Variants in VAV3 observed in about 807,000 individuals in gnomAD.
VAV3 encodes vav guanine nucleotide exchange factor 3.
Under a neutral mutation model 131.2 loss-of-function variants are expected in VAV3, and 94 were observed. The observed-to-expected ratio is 0.72, with a 90% confidence interval of 0.61 to 0.85. The LOEUF is 0.85. Ranked by LOEUF, VAV3 falls within the 40% of genes least tolerant of loss-of-function variation. VAV3 has a pLI of 0.00. For synonymous variants in VAV3, 349 were observed against 342.0 expected, an observed-to-expected ratio of 1.02 and a Z score of -0.22; for missense variants, 939 against 1,002.7, an observed-to-expected ratio of 0.94 and a Z score of 0.86.
chr1:107,739,749 A>G (rs1387017387), intron 15 of VAV3, among the ~76,000 whole-genome samples: 2 of 152,194 alleles, frequency 1.3e-5, no homozygotes, highest in African/African-American at 4.8e-5. Context: ...CCAAACAGAC[A>G]CTGACGGGCT....
chr1:107,589,907 A>T (rs955098519), intron 25 of VAV3, among the ~76,000 whole-genome samples: 3 of 152,206 alleles, frequency 2.0e-5, no homozygotes, highest in Non-Finnish European at 4.4e-5. Context: ...TGTTTAAGGA[A>T]TTATCAGGAA....
intron 2 of VAV3, among the ~76,000 whole-genome samples, chr1:107,817,749 G>T (rs1432254969): frequency 6.6e-6 from 1 of 152,044 alleles, no homozygotes; most frequent in East Asian, 1.9e-4. Flanking sequence ...CAACCAGACA[G>T]GACCACATCA....
intron 2 of VAV3, among the ~76,000 whole-genome samples, chr1:107,833,473 TA>T (rs1668343912): frequency 6.6e-6 from 1 of 152,240 alleles, no homozygotes; most frequent in South Asian, 2.1e-4. Flanking sequence ...CAATCCTTTT[TA>T]AAGAAAATAT....
intron 25 of VAV3, among the ~76,000 whole-genome samples, chr1:107,592,056 CGTGTGTGT>C (rs35290300): frequency 5.4e-5 from 8 of 148,798 alleles, no homozygotes; most frequent in East Asian, 2.0e-4. Context: ...TATATACATA[CGTGTGTGT>C]GTGTGTGTGT....
chr1:107,734,030 G>C (rs1051683722), intron 15 of VAV3, among the ~76,000 whole-genome samples: 1 of 152,226 alleles, frequency 6.6e-6, no homozygotes, highest in Non-Finnish European at 1.5e-5. Context: ...AACTCTGCAA[G>C]CCAGAAGAGA....
At chr1:107,884,319 A>G in intron 1 of VAV3, among the ~76,000 whole-genome samples, 1 of 151,500 alleles carries the variant, frequency 6.6e-6, no homozygotes, top group Non-Finnish European at 1.5e-5. Context: ...TGTGATTATT[A>G]CACACTACAT....
chr1:107,654,734 T>G (rs1656417999), intron 19 of VAV3, among the ~76,000 whole-genome samples: 1 of 152,100 alleles, frequency 6.6e-6, no homozygotes, highest in African/African-American at 2.4e-5. Context: ...GGTTTTCACT[T>G]ATTCAAATGT....
intron 2 of VAV3, among the ~76,000 whole-genome samples, chr1:107,831,254 T>C (rs1324858443): frequency 6.6e-6 from 1 of 152,220 alleles, no homozygotes; most frequent in Non-Finnish European, 1.5e-5. Flanking sequence ...TGGAAAATAC[T>C]TTAAAATAAT....
intron 2 of VAV3, among the ~76,000 whole-genome samples, chr1:107,813,944 T>C (rs1299411452): frequency 6.6e-6 from 1 of 151,454 alleles, no homozygotes; most frequent in Non-Finnish European, 1.5e-5. Flanking sequence ...ATTTTATTCT[T>C]TTGTATGGCT....
At chr1:107,575,283 G>A (rs909908909) in intron 25 of VAV3, among the ~76,000 whole-genome samples, 1 of 152,134 alleles carries the variant, frequency 6.6e-6, no homozygotes, top group Admixed American at 6.5e-5. Flanking sequence ...GAACTTAAGT[G>A]TAAGAAAAAG....
intron 1 of VAV3, among the ~76,000 whole-genome samples, chr1:107,906,895 G>A (rs1400296478): frequency 6.6e-6 from 1 of 152,082 alleles, no homozygotes; most frequent in Admixed American, 6.6e-5. Flanking sequence ...GGCTTGGAAA[G>A]TTAGAATTAA....
chr1:107,597,306 G>C (rs954877519), intron 24 of VAV3, among the ~76,000 whole-genome samples: 1 of 151,394 alleles, frequency 6.6e-6, no homozygotes, highest in Non-Finnish European at 1.5e-5. Context: ...TCTGTTCAGT[G>C]GTTATGTTCA....
intron 19 of VAV3, among the ~76,000 whole-genome samples, chr1:107,649,950 T>G (rs1212481093): frequency 1.2e-4 from 18 of 152,032 alleles, no homozygotes; most frequent in Non-Finnish European, 2.6e-4. Context: ...AAAGAACCAC[T>G]TAGAAAGAGA....
intron 4 of VAV3, among the ~76,000 whole-genome samples, chr1:107,773,197 T>C (rs1456222117): frequency 2.6e-5 from 4 of 152,208 alleles, no homozygotes; most frequent in Non-Finnish European, 5.9e-5. Context: ...ACCAAAAGGC[T>C]ATTTGACTTT....
At chr1:107,893,598 C>T (rs1671419777) in intron 1 of VAV3, among the ~76,000 whole-genome samples, 1 of 152,100 alleles carries the variant, frequency 6.6e-6, no homozygotes, top group African/African-American at 2.4e-5. Flanking sequence ...CGGAGGGAAA[C>T]TCTCCTTTAT....
intron 19 of VAV3, among the ~76,000 whole-genome samples, chr1:107,680,958 T>C (rs534464798): frequency 1.3e-5 from 2 of 152,294 alleles, no homozygotes; most frequent in East Asian, 3.9e-4. Context: ...AGAAAGAATG[T>C]CAATGCATAC....
chr1:107,908,007 G>A lies in VAV3; in HGVS notation c.205-32990C>T, dbSNP rs78913972. On this transcript the variant is annotated intron_variant, in intron 1 of 26. Coordinates refer to ENST00000370056, the MANE Select transcript of VAV3 (RefSeq NM_006113.5). Reference sequence around the variant, plus strand: ...AAGTGTTCAGTTGTAAGTAGCATACGTGTGTTGAGGAATGAATTCGGAAGG... The same window carrying A: ...AAGTGTTCAGTTGTAAGTAGCATACATGTGTTGAGGAATGAATTCGGAAGG... 9.8e-5 allele frequency among the ~76,000 whole-genome samples: 15 copies of A among 152,300 alleles called. No individual in the cohort carries two copies. The East Asian group carries it at 2.1e-3, about 22-fold the overall frequency.
Position 107,852,054 on chromosome 1 carries a change from G to A in VAV3, c.321+22847C>T, listed in dbSNP as rs374653386. On this transcript the variant is annotated intron_variant, in intron 2 of 26. Transcript: ENST00000370056. Reference sequence around the variant, plus strand: ...AGGCTATGTTCAGAGGTACAATTAAGTTATCATACCTCCAACTAAGGATTC... The same window carrying A: ...AGGCTATGTTCAGAGGTACAATTAAATTATCATACCTCCAACTAAGGATTC... 2.7e-3 allele frequency among the ~76,000 whole-genome samples: 414 copies of A among 152,242 alleles called. 1 individual carries two copies. Among genetic ancestry groups the A allele is most frequent in the African/African-American group, 9.4e-3 (390 of 41,552 alleles).
At position 107,628,555 on chromosome 1, in the gene VAV3, C is replaced by G. The variant is rs893922792; in HGVS notation, c.1915-10923G>C. On this transcript the variant is annotated intron_variant, in intron 20 of 26. Coordinates refer to ENST00000370056, the MANE Select transcript of VAV3 (RefSeq NM_006113.5). ...ACCTCCAAGTTCTCTCTAAGCTCAA[C>G]TTACTTTCTGACTTTTTATTTTCTG... Among the ~76,000 whole-genome samples, 40 of 152,184 alleles carry G rather than the reference C, an allele frequency of 2.6e-4. 1 individual carries two copies. Among genetic ancestry groups the G allele is most frequent in the African/African-American group, 9.6e-4 (40 of 41,454 alleles).
Sources: allele counts gnomAD v4.1 joint callset (sites outside exome capture counted in the v4.1 genomes callset), GRCh38; gene constraint gnomAD v4.1.1; transcripts MANE v1.5; gene names NCBI Gene and HGNC (gene_info 2026-07-23, HGNC 2026-07-21).